Variants in PHACTR1 observed in about 807,000 individuals in gnomAD.
The protein encoded by PHACTR1 is RPEL repeat containing 1.
In PHACTR1, 16 loss-of-function variants were observed where a neutral mutation model predicts 69.2. That is an observed-to-expected ratio of 0.23 (90% CI 0.16 to 0.35). The LOEUF (loss-of-function observed/expected upper bound fraction) is 0.35. Ranked by LOEUF, PHACTR1 falls within the 10% of genes least tolerant of loss-of-function variation. The pLI, the probability that PHACTR1 is intolerant of heterozygous loss-of-function variation, is 1.00. For synonymous variants in PHACTR1, 312 were observed against 284.5 expected (o/e 1.10, Z -0.97); for missense variants, 510 against 734.7 (o/e 0.69, Z 3.54).
intron 4 of PHACTR1, among the ~76,000 whole-genome samples, chr6:13,048,250 G>A (rs1338558581): frequency 6.6e-6 from 1 of 152,112 alleles, no homozygotes; most frequent in Non-Finnish European, 1.5e-5. Flanking sequence ...AGCTTCCAAC[G>A]TTTTGATTCA....
chr6:12,787,460 C>T (rs1037847142), intron 4 of PHACTR1, among the ~76,000 whole-genome samples: 18 of 152,168 alleles, frequency 1.2e-4, no homozygotes, highest in African/African-American at 1.7e-4. Context: ...CTTATATCTT[C>T]GAGGCCAAGA....
intron 10 of PHACTR1, among the ~76,000 whole-genome samples, chr6:13,255,650 A>T (rs1474947172): frequency 6.6e-6 from 1 of 152,258 alleles, no homozygotes; most frequent in Non-Finnish European, 1.5e-5. Context: ...AAGGGGCTAC[A>T]GGCCCCATGT....
At chr6:13,128,588 C>G (rs1264462575) in intron 5 of PHACTR1, among the ~76,000 whole-genome samples, 1 of 151,554 alleles carries the variant, frequency 6.6e-6, no homozygotes, top group Non-Finnish European at 1.5e-5. Context: ...TGAATTAACC[C>G]AATCAGACAA....
chr6:13,014,958 C>T (rs1418883963), intron 4 of PHACTR1, among the ~76,000 whole-genome samples: 1 of 152,206 alleles, frequency 6.6e-6, no homozygotes, highest in Non-Finnish European at 1.5e-5. Context: ...AGGCGGTTCC[C>T]GAGCAGCTCA....
At chr6:13,223,850 CCTT>C (rs1394253401) in intron 8 of PHACTR1, among the ~76,000 whole-genome samples, 1 of 152,122 alleles carries the variant, frequency 6.6e-6, no homozygotes, top group Non-Finnish European at 1.5e-5. Flanking sequence ...ATTCACTCTC[CCTT>C]CTTTCCTTCT....
At chr6:13,055,510 T>C (rs1336677883) in intron 5 of PHACTR1, among the ~76,000 whole-genome samples, 1 of 152,212 alleles carries the variant, frequency 6.6e-6, no homozygotes, top group African/African-American at 2.4e-5. Context: ...GAGTGTTTTG[T>C]AAGCATTGAA....
intron 4 of PHACTR1, among the ~76,000 whole-genome samples, chr6:12,870,545 T>C (rs1433871622): frequency 6.6e-6 from 1 of 152,230 alleles, no homozygotes; most frequent in Non-Finnish European, 1.5e-5. Flanking sequence ...TTGGGAATTT[T>C]ATTTGAAGGG....
chr6:12,908,325 T>TAA (rs1785978946), intron 4 of PHACTR1, among the ~76,000 whole-genome samples: 1 of 152,224 alleles, frequency 6.6e-6, no homozygotes, highest in South Asian at 2.1e-4. Context: ...AAACCGAAAT[T>TAA]AAAAATAGAA....
intron 4 of PHACTR1, among the ~76,000 whole-genome samples, chr6:12,947,001 T>G (rs1211998170): frequency 6.6e-6 from 1 of 151,678 alleles, no homozygotes; most frequent in African/African-American, 2.4e-5. Context: ...TTAGTAGAGA[T>G]GGGGTTTCAC....
intron 7 of PHACTR1, among the ~76,000 whole-genome samples, chr6:13,194,480 A>AG (rs1258154633): frequency 1.4e-5 from 2 of 145,108 alleles, no homozygotes; most frequent in African/African-American, 5.1e-5. Context: ...ATTTTATTGA[A>AG]GAAAAAAAAA....
At chr6:12,803,049 C>T (rs909677869) in intron 4 of PHACTR1, among the ~76,000 whole-genome samples, 4 of 152,172 alleles carry the variant, frequency 2.6e-5, no homozygotes, top group Non-Finnish European at 5.9e-5. Flanking sequence ...GTTAAAATTC[C>T]AGGCTGCCAT....
chr6:13,068,522 G>T (rs1809019046), intron 5 of PHACTR1, among the ~76,000 whole-genome samples: 1 of 152,188 alleles, frequency 6.6e-6, no homozygotes, highest in Admixed American at 6.5e-5. Flanking sequence ...TGTGGATGGT[G>T]TATGGATAAC....
intron 4 of PHACTR1, among the ~76,000 whole-genome samples, chr6:12,763,212 C>G (rs2127614040): frequency 9.0e-6 from 1 of 111,488 alleles, no homozygotes; most frequent in African/African-American, 3.7e-5. Context: ...AACTCCGTCT[C>G]AAAAACAACA....
chr6:12,747,769 C>T (rs991545164), intron 3 of PHACTR1, among the ~76,000 whole-genome samples: 3 of 152,010 alleles, frequency 2.0e-5, no homozygotes, highest in African/African-American at 4.8e-5. Context: ...ATTTGTGGTG[C>T]GTCACTTAAG....
At chr6:12,802,168 G>A (rs1324870402) in intron 4 of PHACTR1, among the ~76,000 whole-genome samples, 1 of 149,806 alleles carries the variant, frequency 6.7e-6, no homozygotes, top group Non-Finnish European at 1.5e-5. Flanking sequence ...ATGACTTAAA[G>A]GGCATATAAA....
chr6:12,721,012 G>A (rs1377604389), intron 3 of PHACTR1, among the ~76,000 whole-genome samples: 1 of 152,176 alleles, frequency 6.6e-6, no homozygotes, highest in Admixed American at 6.5e-5. Context: ...TTAAAACAGT[G>A]TCTGCCACAT....
Position 13,231,427 on chromosome 6 carries a change from G to A in PHACTR1, c.1391+1234G>A, listed in dbSNP as rs549336322. ...AAAGAAGGAAAGAGAAAGAGAGAGC[G>A]AAAGAGAAGGAGGGAGGGAGGAAGG... On this transcript the variant is annotated intron_variant, in intron 10 of 14. Coordinates refer to ENST00000332995, the MANE Select transcript of PHACTR1 (RefSeq NM_030948.6). Among the ~76,000 whole-genome samples the A allele has an allele frequency of 1.3e-3, 114 of 87,066 alleles. 5 individuals are homozygous for A. Among genetic ancestry groups the A allele is most frequent in the African/African-American group, 3.8e-3 (107 of 27,970 alleles). 57.1% of individuals were successfully genotyped at this position (87,066 alleles called of 152,430 possible). A position where few individuals can be genotyped will look rare whatever the true frequency, so the allele number is the denominator to read the frequency against.
intron 7 of PHACTR1, among the ~76,000 whole-genome samples, chr6:13,195,021 G>C (rs776936957): frequency 1.3e-5 from 2 of 152,062 alleles, no homozygotes; most frequent in Non-Finnish European, 2.9e-5. Context: ...CATTACTCTT[G>C]TTTCTCTCAA....
chr6:12,743,148 TGTTA>T (rs1340846150), intron 3 of PHACTR1, among the ~76,000 whole-genome samples: 1 of 150,936 alleles, frequency 6.6e-6, no homozygotes, highest in Non-Finnish European at 1.5e-5. Context: ...AGAGATTACT[TGTTA>T]GTTCACAAGA....
Sources: gnomAD v4.1 joint callset for allele counts (sites outside exome capture counted in the v4.1 genomes callset) on GRCh38, gnomAD v4.1.1 for gene constraint, MANE v1.5 for transcripts, NCBI Gene and HGNC (gene_info 2026-07-23, HGNC 2026-07-21) for gene names.